TLK2: variants seen among roughly 807,000 people sequenced by gnomAD.
TLK2 encodes the protein tousled like kinase 2.
Under a neutral mutation model 117.3 loss-of-function variants are expected in TLK2, and 6 were observed. That is an observed-to-expected ratio of 0.05 (90% confidence interval 0.03 to 0.10). The LOEUF is 0.10. Ranked by LOEUF, TLK2 falls within the 10% of genes least tolerant of loss-of-function variation. The pLI is 1.00. For missense variants in TLK2, 299 were observed against 901.2 expected (o/e 0.33, Z 8.56); for synonymous variants, 257 against 316.7 (o/e 0.81, Z 2.00).
At position 62,509,886 on chromosome 17, in the gene TLK2, C is replaced by T. The variant is rs141784945; in HGVS notation, c.82-10887C>T. Among the ~76,000 whole-genome samples, 551 of 152,328 alleles carry T rather than the reference C, an allele frequency of 3.6e-3. 2 individuals carry two copies. The highest frequency in any genetic ancestry group is 0.012 in the African/African-American group (519 of 41,566). Reference sequence around the variant, plus strand: ...AGTGTTGAAGGCACCATCTTGGAAGCAGAGCCTGGACCCTCACCAGACACC... The same window carrying T: ...AGTGTTGAAGGCACCATCTTGGAAGTAGAGCCTGGACCCTCACCAGACACC... On this transcript the variant is annotated intron_variant, in intron 2 of 21. Coordinates refer to ENST00000346027, the MANE Select transcript of TLK2 (RefSeq NM_006852.6).
rs532099618 is a variant in TLK2, at chr17:62,587,785, TAGTG to T, written c.1460+1564_1460+1567del. Among the ~76,000 whole-genome samples, 149 of 152,160 alleles carry T rather than the reference TAGTG, an allele frequency of 9.8e-4. 1 individual carries two copies. Among genetic ancestry groups the T allele is most frequent in the Non-Finnish European group, 1.8e-3 (123 of 67,984 alleles). On this transcript the variant is annotated intron_variant, in intron 16 of 21. Transcript: ENST00000346027. ...ATATGTAGGGATGAGTGGCACACCG[TAGTG>T]AGTGCCAGGAGCACTTCAGAGAAGG...
intron 2 of TLK2, among the ~76,000 whole-genome samples, chr17:62,512,589 C>G (rs1052510517): frequency 2.0e-5 from 3 of 152,042 alleles, no homozygotes; most frequent in Admixed American, 6.6e-5. Flanking sequence ...AGTCTAATCT[C>G]AAGTTCCTTG....
At chr17:62,505,529 A>C (rs1447297348) in intron 2 of TLK2, among the ~76,000 whole-genome samples, 1 of 149,612 alleles carries the variant, frequency 6.7e-6, no homozygotes, top group Non-Finnish European at 1.5e-5. Context: ...TTGGGATTAC[A>C]GGCATGAGCC....
At chr17:62,577,693 T>A (rs988580603) in intron 13 of TLK2, among the ~76,000 whole-genome samples, 1 of 152,212 alleles carries the variant, frequency 6.6e-6, no homozygotes, top group African/African-American at 2.4e-5. Context: ...TGCTTTTGTT[T>A]TTTATTTCAC....
At chr17:62,579,442 A>G (rs2146751120) in intron 14 of TLK2, among the ~76,000 whole-genome samples, 1 of 152,370 alleles carries the variant, frequency 6.6e-6, no homozygotes, top group African/African-American at 2.4e-5. Context: ...ATGTCTCTCC[A>G]GATAGGCATC....
chr17:62,593,222 G>A (rs139524526), intron 16 of TLK2, among the ~76,000 whole-genome samples: 16 of 152,286 alleles, frequency 1.1e-4, no homozygotes, highest in Middle Eastern at 3.4e-3. Flanking sequence ...TGGTACACCC[G>A]TACCATTAAT....
intron 16 of TLK2, among the ~76,000 whole-genome samples, chr17:62,594,558 C>T (rs1427611145): frequency 6.6e-6 from 1 of 152,164 alleles, no homozygotes; most frequent in Non-Finnish European, 1.5e-5. Flanking sequence ...GTGGCATATT[C>T]CTGGTCACAA....
intron 6 of TLK2, among the ~76,000 whole-genome samples, chr17:62,531,351 C>T (rs181129552): frequency 6.6e-6 from 1 of 151,934 alleles, no homozygotes; most frequent in African/African-American, 2.4e-5. Context: ...TTTATTGTTT[C>T]TAATTTGCTA....
chr17:62,567,511 G>A (rs2146494998), intron 11 of TLK2, among the ~76,000 whole-genome samples: 1 of 152,292 alleles, frequency 6.6e-6, no homozygotes, highest in South Asian at 2.1e-4. Flanking sequence ...TTGGGAAGAT[G>A]TTTCTGGCTG....
chr17:62,573,291 G>T lies in TLK2; in HGVS notation c.1045G>T (p.Ala349Ser). 1 of 1,614,026 alleles carries T rather than the reference G, an allele frequency of 6.2e-7. No homozygotes were observed. Among genetic ancestry groups the T allele is most frequent in the Non-Finnish European group, 8.5e-7 (1 of 1,179,960 alleles). Residue 349 changes from alanine to serine, a missense_variant, in exon 12 of 22, where the codon GCC (alanine) becomes TCC (serine). By Grantham distance (99) the Ala-to-Ser change is moderately conservative (BLOSUM62 1). Around this residue, in one of 4 missense-constraint regions of TLK2, gnomAD observed 94 missense variants for 282.6 expected, o/e 0.33. Coordinates refer to ENST00000346027, the MANE Select transcript of TLK2 (RefSeq NM_006852.6). ...RKMLAKRKPP[A>S]MGQAPPATNE... Reference sequence around the variant, plus strand: ...AATGTTAGCAAAGCGGAAACCTCCTGCCATGGGTCAGGCCCCTCCTGCAAC... The same window carrying T: ...AATGTTAGCAAAGCGGAAACCTCCTTCCATGGGTCAGGCCCCTCCTGCAAC...
chr17:62,570,761 A>G (rs968561528), intron 11 of TLK2, among the ~76,000 whole-genome samples: 1 of 152,178 alleles, frequency 6.6e-6, no homozygotes, highest in Non-Finnish European at 1.5e-5. Flanking sequence ...TATGGTTTAT[A>G]TATATTATGG....
chr17:62,531,187 T>G (rs1158155541), intron 6 of TLK2, among the ~76,000 whole-genome samples: 1 of 152,194 alleles, frequency 6.6e-6, no homozygotes, highest in Non-Finnish European at 1.5e-5. Context: ...GACTTGTTCT[T>G]TTTTCCTTCT....
intron 16 of TLK2, among the ~76,000 whole-genome samples, chr17:62,586,992 C>T (rs966305149): frequency 6.6e-6 from 1 of 151,988 alleles, no homozygotes; most frequent in Non-Finnish European, 1.5e-5. Context: ...CTATGTTCTC[C>T]TCCCGGTCAC....
chr17:62,598,815 G>A (rs1291037378), intron 17 of TLK2, among the ~76,000 whole-genome samples: 1 of 151,924 alleles, frequency 6.6e-6, no homozygotes, highest in African/African-American at 2.4e-5. Flanking sequence ...GAGCCACCGC[G>A]CCTGGCTGAA....
intron 9 of TLK2, among the ~76,000 whole-genome samples, chr17:62,558,910 T>G (rs1449010378): frequency 6.6e-6 from 1 of 152,244 alleles, no homozygotes; most frequent in Non-Finnish European, 1.5e-5. Flanking sequence ...ATCTTCTGTT[T>G]GTGCCTTTTA....
chr17:62,523,641 A>G (rs1023031941), intron 5 of TLK2, among the ~76,000 whole-genome samples: 5 of 152,148 alleles, frequency 3.3e-5, no homozygotes, highest in African/African-American at 4.8e-5. Flanking sequence ...CTTTCTCCCC[A>G]TCTTCATCAG....
chr17:62,545,542 A>G (rs1377138646), intron 7 of TLK2, among the ~76,000 whole-genome samples: 2 of 151,990 alleles, frequency 1.3e-5, no homozygotes, highest in Non-Finnish European at 2.9e-5. Context: ...GCTTGAACCC[A>G]GGAGACGGAG....
intron 2 of TLK2, among the ~76,000 whole-genome samples, chr17:62,488,400 T>G (rs2066342824): frequency 6.6e-6 from 1 of 151,550 alleles, no homozygotes; most frequent in African/African-American, 2.4e-5. Context: ...GTCAGCTTTT[T>G]CACATACCAA....
intron 16 of TLK2, among the ~76,000 whole-genome samples, chr17:62,593,076 G>A (rs1433599637): frequency 1.3e-5 from 2 of 152,204 alleles, no homozygotes; most frequent in Non-Finnish European, 2.9e-5. Flanking sequence ...CTCACCTCCT[G>A]CTGTGTGGCC....
Sources: allele counts gnomAD v4.1 joint callset (sites outside exome capture counted in the v4.1 genomes callset), GRCh38; gene constraint gnomAD v4.1.1; regional missense constraint gnomAD v4.1.1; transcripts MANE v1.5; gene names NCBI Gene and HGNC (gene_info 2026-07-23, HGNC 2026-07-21).